The following CGGBP1 variants were observed in gnomAD, a reference collection of about 807,000 sequenced individuals.
The protein encoded by CGGBP1 is CGG triplet repeat binding protein 1.
CGGBP1 carries 4 observed loss-of-function variants against 11.4 expected under a neutral mutation model. That is an observed-to-expected ratio of 0.35 (90% CI 0.17 to 0.80). The LOEUF (loss-of-function observed/expected upper bound fraction) is 0.80. CGGBP1 is among the 30% of genes least tolerant of loss of function. The probability of loss-of-function intolerance (pLI) is 0.52; values close to 1 mark genes in which losing one functional copy is unlikely to be tolerated. For missense variants in CGGBP1, 135 were observed against 202.1 expected (o/e 0.67, Z 2.01); for synonymous variants, 76 against 74.1 (o/e 1.03, Z -0.13).
chr3:88,094,069 T>C (rs1477413918), intron 2 of CGGBP1, among the ~76,000 whole-genome samples: 1 of 151,934 alleles, frequency 6.6e-6, no homozygotes, highest in Non-Finnish European at 1.5e-5. Flanking sequence ...TCTAGCGTTC[T>C]ATTTCTTTGT....
intron 2 of CGGBP1, among the ~76,000 whole-genome samples, chr3:88,113,559 C>A (rs1705216828): frequency 1.3e-5 from 2 of 152,114 alleles, no homozygotes; most frequent in African/African-American, 4.8e-5. Context: ...TTTTCTCTCT[C>A]ATAATAGCTT....
intron 2 of CGGBP1, among the ~76,000 whole-genome samples, chr3:88,099,057 A>G (rs1704239461): frequency 6.6e-6 from 1 of 152,222 alleles, no homozygotes; most frequent in African/African-American, 2.4e-5. Flanking sequence ...CCCTGTTTGC[A>G]GATGACATGA....
At chr3:88,134,023 A>G (rs1395142127) in intron 2 of CGGBP1, among the ~76,000 whole-genome samples, 1 of 152,016 alleles carries the variant, frequency 6.6e-6, no homozygotes, top group East Asian at 1.9e-4. Context: ...ACACCCAGGC[A>G]TGAAAACTGG....
At chr3:88,060,084 T>C (rs758216464), upstream of CGGBP1, among the ~76,000 whole-genome samples, 40 of 152,116 alleles carry the variant, frequency 2.6e-4, no homozygotes, top group Non-Finnish European at 5.6e-4. Flanking sequence ...GTTACTTTTT[T>C]CGGACAGAGA....
chr3:88,120,689 C>G (rs1367184265), intron 2 of CGGBP1, among the ~76,000 whole-genome samples: 1 of 152,156 alleles, frequency 6.6e-6, no homozygotes, highest in South Asian at 2.1e-4. Context: ...CACATATCCT[C>G]TTTATGCGTA....
At chr3:88,115,338 C>T (rs571960519) in intron 2 of CGGBP1, among the ~76,000 whole-genome samples, 1 of 152,300 alleles carries the variant, frequency 6.6e-6, no homozygotes, top group African/African-American at 2.4e-5. Context: ...ACTGTGTCAT[C>T]CTGGGCAAGT....
At chr3:88,119,766 G>A (rs908246674) in intron 2 of CGGBP1, among the ~76,000 whole-genome samples, 4 of 151,960 alleles carry the variant, frequency 2.6e-5, no homozygotes, top group African/African-American at 9.7e-5. Flanking sequence ...TTAGAACAGC[G>A]ACAATTAATA....
At chr3:88,074,344 C>T (rs1253405941) in intron 2 of CGGBP1, among the ~76,000 whole-genome samples, 2 of 137,626 alleles carry the variant, frequency 1.5e-5, no homozygotes, top group Non-Finnish European at 3.1e-5. Context: ...TTATATCTTA[C>T]TTTTTTTTTT....
chr3:88,102,557 A>C (rs1388700219), intron 2 of CGGBP1, among the ~76,000 whole-genome samples: 1 of 152,256 alleles, frequency 6.6e-6, no homozygotes, highest in South Asian at 2.1e-4. Context: ...TCTTTTCTCT[A>C]TCACTGGGAT....
At chr3:88,059,466 C>G, upstream of CGGBP1, 8 of 1,520,434 alleles carry the variant, frequency 5.3e-6, no homozygotes, top group African/African-American at 1.4e-5. Flanking sequence ...GCGGCGGCGT[C>G]GGAATCAGCA....
At chr3:88,111,887 T>A (rs936564609) in intron 2 of CGGBP1, among the ~76,000 whole-genome samples, 5 of 151,966 alleles carry the variant, frequency 3.3e-5, no homozygotes, top group Admixed American at 6.6e-5. Flanking sequence ...TTAATCTTTA[T>A]AATTTTGGCC....
chr3:88,139,504 A>C, intron 2 of CGGBP1: 1 of 1,613,534 alleles, frequency 6.2e-7, no homozygotes, highest in Non-Finnish European at 8.5e-7. Flanking sequence ...GATGATCAGG[A>C]AGTCACTGCT....
chr3:88,083,951 A>G (rs1265440668), intron 2 of CGGBP1, among the ~76,000 whole-genome samples: 1 of 134,174 alleles, frequency 7.5e-6, no homozygotes, highest in Non-Finnish European at 1.6e-5. Context: ...TTATATATAT[A>G]TATATATATA....
chr3:88,144,435 C>G lies in CGGBP1; in HGVS notation c.-337-3357G>C, dbSNP rs1384048078. ...AACACCTTTTCAGAATGAGTAAATG[C>G]TGCATATGCATTTTGGAGTTGTTAA... is the stretch of plus-strand genomic sequence containing the variant. On this transcript the variant is annotated intron_variant, in intron 1 of 3. Transcript: ENST00000462901. 4 of 152,270 alleles carry G rather than the reference C, an allele frequency of 2.6e-5. No individual in the cohort carries two copies. The East Asian group carries it at 5.8e-4, about 22-fold the overall frequency. The allele number at this position is 152,270 out of a possible 1,614,324, so 9.4% of individuals were successfully genotyped here.
In CGGBP1 at chr3:88,119,549, T is replaced by TA. The variant is rs56122963; in HGVS notation, c.-229+21420dup. On this transcript the variant is annotated intron_variant, in intron 2 of 3. Coordinates refer to the CGGBP1 transcript ENST00000462901. Reference sequence around the variant, plus strand: ...TAAAACTTAAAGTATAATAATAAATTAAAAAAAAAAAAACAATAATTATTG... The same window carrying TA: ...TAAAACTTAAAGTATAATAATAAATTAAAAAAAAAAAAAACAATAATTATTG... Among the ~76,000 whole-genome samples, 1,106 of 141,892 alleles carry TA rather than the reference T, an allele frequency of 7.8e-3. 12 individuals are homozygous for TA. Among genetic ancestry groups the TA allele is most frequent in the African/African-American group, 0.02 (796 of 38,902 alleles). 93.1% of individuals were successfully genotyped at this position (141,892 alleles called of 152,430 possible). A position where few individuals can be genotyped will look rare whatever the true frequency, so the allele number is the denominator to read the frequency against.
chr3:88,119,569 T>G (rs1002410277), intron 2 of CGGBP1, among the ~76,000 whole-genome samples: 1 of 151,676 alleles, frequency 6.6e-6, no homozygotes, highest in African/African-American at 2.4e-5. Context: ...AAAACAATAA[T>G]TATTGGAGAC....
At chr3:88,106,322 T>C (rs1408726412) in intron 2 of CGGBP1, among the ~76,000 whole-genome samples, 1 of 152,142 alleles carries the variant, frequency 6.6e-6, no homozygotes, top group Non-Finnish European at 1.5e-5. Flanking sequence ...GTTGAAAATG[T>C]ATATTTTTTT....
At chr3:88,064,682 A>G (rs1253790318) in intron 2 of CGGBP1, among the ~76,000 whole-genome samples, 1 of 152,102 alleles carries the variant, frequency 6.6e-6, no homozygotes, top group Admixed American at 6.5e-5. Context: ...CATCCATCTA[A>G]TTTCCAACTA....
At chr3:88,096,640 G>C (rs960144276) in intron 2 of CGGBP1, among the ~76,000 whole-genome samples, 3 of 152,168 alleles carry the variant, frequency 2.0e-5, no homozygotes, top group African/African-American at 7.2e-5. Context: ...TGAAAAATCT[G>C]CTTTTTATCT....
Sources: gnomAD v4.1 joint callset for allele counts (sites outside exome capture counted in the v4.1 genomes callset) on GRCh38, gnomAD v4.1.1 for gene constraint, MANE v1.5 for transcripts, NCBI Gene and HGNC (gene_info 2026-07-23, HGNC 2026-07-21) for gene names.